Variants in CNTN5 observed in about 807,000 individuals in gnomAD.
The protein encoded by CNTN5 is contactin-5.
Under a neutral mutation model 129.1 loss-of-function variants are expected in CNTN5, and 77 were observed. That is an observed-to-expected ratio of 0.60 (90% confidence interval 0.50 to 0.72). CNTN5 has a LOEUF of 0.72. Ranked by LOEUF, CNTN5 falls within the 30% of genes least tolerant of loss-of-function variation. The pLI is 0.00. For synonymous variants in CNTN5, 509 were observed against 465.6 expected (o/e 1.09, Z -1.20); for missense variants, 1,478 against 1,328.8 (o/e 1.11, Z -1.75).
intron 13 of CNTN5, among the ~76,000 whole-genome samples, chr11:100,085,292 GA>G (rs1012126943): frequency 5.3e-5 from 8 of 151,872 alleles, no homozygotes; most frequent in African/African-American, 1.9e-4. Flanking sequence ...AAAATTCAGA[GA>G]AAACCTCTGC....
chr11:99,348,776 A>T (rs986000524), intron 2 of CNTN5, among the ~76,000 whole-genome samples: 20 of 152,166 alleles, frequency 1.3e-4, no homozygotes, highest in African/African-American at 4.6e-4. Flanking sequence ...GTGGTTTTAA[A>T]TCATTACTTT....
intron 2 of CNTN5, among the ~76,000 whole-genome samples, chr11:99,531,740 T>C (rs1429804074): frequency 6.6e-6 from 1 of 152,204 alleles, no homozygotes; most frequent in African/African-American, 2.4e-5. Context: ...GCCTTAAGCC[T>C]TCGCAGTTTC....
At chr11:99,479,555 G>A (rs1401402294) in intron 2 of CNTN5, among the ~76,000 whole-genome samples, 2 of 151,836 alleles carry the variant, frequency 1.3e-5, no homozygotes, top group African/African-American at 2.4e-5. Context: ...TTATAAATAA[G>A]CAATGATCAT....
At chr11:99,458,093 C>T (rs1283466843) in intron 2 of CNTN5, among the ~76,000 whole-genome samples, 1 of 151,742 alleles carries the variant, frequency 6.6e-6, no homozygotes, top group Non-Finnish European at 1.5e-5. Context: ...AAATTAATAA[C>T]AAAGTATTAT....
At chr11:99,946,778 A>G (rs1007912341) in intron 7 of CNTN5, among the ~76,000 whole-genome samples, 1 of 147,718 alleles carries the variant, frequency 6.8e-6, no homozygotes, top group East Asian at 2.0e-4. Flanking sequence ...TTTCTTTTTT[A>G]TGTGTTCTTT....
intron 6 of CNTN5, among the ~76,000 whole-genome samples, chr11:99,864,603 T>C (rs1296956477): frequency 5.3e-5 from 8 of 152,188 alleles, no homozygotes; most frequent in Non-Finnish European, 1.2e-4. Flanking sequence ...TATGTTTCCC[T>C]CTTTCAACTC....
chr11:99,295,973 T>G (rs1307143249), intron 1 of CNTN5, among the ~76,000 whole-genome samples: 1 of 151,500 alleles, frequency 6.6e-6, no homozygotes, highest in South Asian at 2.1e-4. Context: ...GGCCTTTATC[T>G]TTTATCTATT....
In CNTN5 at chr11:100,349,888, T is replaced by A. The variant is rs1952366882; in HGVS notation, c.3031-814T>A. On this transcript the variant is annotated intron_variant, in intron 23 of 24. Transcript: ENST00000524871. ...CTTCTGATGAGATTTCTACCCTAAC[T>A]AGCCACACGGTCTTGTACAAGTCAC... 2.6e-5 allele frequency among the ~76,000 whole-genome samples: 4 copies of A among 151,920 alleles called. No individual in the cohort carries two copies. In the South Asian group the frequency reaches 6.2e-4, roughly 24 times the overall value.
intron 20 of CNTN5, among the ~76,000 whole-genome samples, chr11:100,308,006 G>T (rs1418783286): frequency 6.6e-6 from 1 of 151,600 alleles, no homozygotes; most frequent in Non-Finnish European, 1.5e-5. Flanking sequence ...AAAAGCAACA[G>T]CAGTGCAACA....
intron 8 of CNTN5, among the ~76,000 whole-genome samples, chr11:99,979,216 A>G (rs1385456132): frequency 6.6e-6 from 1 of 152,172 alleles, no homozygotes; most frequent in African/African-American, 2.4e-5. Context: ...GAGGAGATAG[A>G]CAAGTTAATG....
intron 1 of CNTN5, among the ~76,000 whole-genome samples, chr11:99,227,019 A>C (rs2135717442): frequency 6.6e-6 from 1 of 152,278 alleles, no homozygotes; most frequent in South Asian, 2.1e-4. Context: ...AGTAGTGGAG[A>C]ATAATTCAAG....
chr11:99,525,708 A>C (rs1254347135), intron 2 of CNTN5, among the ~76,000 whole-genome samples: 1 of 152,248 alleles, frequency 6.6e-6, no homozygotes, highest in Non-Finnish European at 1.5e-5. Context: ...AAGCAAAAGG[A>C]AGAATGTGGT....
intron 1 of CNTN5, among the ~76,000 whole-genome samples, chr11:99,216,263 G>T (rs1860109711): frequency 6.6e-6 from 1 of 151,926 alleles, no homozygotes. Context: ...GTGTTTCTTT[G>T]TCTGGCTTAT....
chr11:99,853,948 C>A (rs777700044), intron 6 of CNTN5, among the ~76,000 whole-genome samples: 62 of 152,120 alleles, frequency 4.1e-4, no homozygotes, highest in Non-Finnish European at 8.1e-4. Context: ...TACTTAAAAT[C>A]TTTATAATAC....
intron 1 of CNTN5, among the ~76,000 whole-genome samples, chr11:99,057,737 T>G (rs527968963): frequency 6.6e-6 from 1 of 151,632 alleles, no homozygotes; most frequent in Admixed American, 6.6e-5. Flanking sequence ...TATATCCTAG[T>G]AGGGCTGTCA....
intron 8 of CNTN5, among the ~76,000 whole-genome samples, chr11:100,000,815 T>C (rs994538159): frequency 1.1e-4 from 17 of 152,294 alleles, no homozygotes; most frequent in Non-Finnish European, 1.9e-4. Context: ...TCTGCACATA[T>C]GTAGGCCCAA....
chr11:100,232,576 C>T (rs1279629755), intron 16 of CNTN5, among the ~76,000 whole-genome samples: 1 of 152,208 alleles, frequency 6.6e-6, no homozygotes, highest in Non-Finnish European at 1.5e-5. Flanking sequence ...GTCCAACAGA[C>T]TGGGTCACAT....
intron 3 of CNTN5, among the ~76,000 whole-genome samples, chr11:99,625,161 T>C (rs1046890425): frequency 1.3e-5 from 2 of 152,188 alleles, no homozygotes; most frequent in African/African-American, 2.4e-5. Context: ...CTTTTTCTTT[T>C]ATACTCATCT....
intron 2 of CNTN5, among the ~76,000 whole-genome samples, chr11:99,497,794 A>C (rs1946282561): frequency 6.6e-6 from 1 of 152,172 alleles, no homozygotes; most frequent in Admixed American, 6.5e-5. Flanking sequence ...TTACTGAATA[A>C]GGAAAATGGG....
Sources: allele counts gnomAD v4.1 joint callset (sites outside exome capture counted in the v4.1 genomes callset), GRCh38; gene constraint gnomAD v4.1.1; transcripts MANE v1.5; gene names NCBI Gene and HGNC (gene_info 2026-07-23, HGNC 2026-07-21).